Variants in MDC1 observed in about 807,000 individuals in gnomAD.
MDC1 encodes the protein mediator of DNA damage checkpoint protein 1.
A neutral mutation model predicts 142.5 loss-of-function variants in MDC1; 81 were observed. The observed-to-expected ratio is 0.57, with a 90% CI of 0.47 to 0.68. The LOEUF is 0.68. Among genes scored for constraint, MDC1 ranks in the 30% least tolerant of loss-of-function variants. The probability of loss-of-function intolerance (pLI) is 0.00; values close to 1 mark genes in which losing one functional copy is unlikely to be tolerated. For synonymous variants in MDC1, 797 were observed against 968.4 expected (o/e 0.82, Z 3.29); for missense variants, 2,119 against 2,547.9 (o/e 0.83, Z 3.62).
chr6:30,708,359 T>G lies in MDC1; in HGVS notation c.2222-2A>C. 6.2e-7 allele frequency: 1 copy of G among 1,604,718 alleles called. No individual in the cohort carries two copies. ...CCTCCCATGGTTCATCTAGGGTACC[T>G]GGAAGGGGAGGAAGGAAGAGAGAGA... On this transcript the variant is annotated splice_acceptor_variant, in intron 7 of 14. Coordinates refer to ENST00000376406, the MANE Select transcript of MDC1 (RefSeq NM_014641.3). LOFTEE classifies it high-confidence loss of function.
chr6:30,717,048 T>A, intron 1 of MDC1, 197 bp downstream of exon 1: 1 of 296,796 alleles, frequency 3.4e-6, no homozygotes, highest in Non-Finnish European at 5.0e-6. Flanking sequence ...CTCAGTGGGT[T>A]CCCTTGTGGC....
chr6:30,706,620 TAA>T (rs9278748), intron 9 of MDC1, among the ~76,000 whole-genome samples: 5,063 of 42,734 alleles, frequency 0.12, 251 homozygotes, highest in South Asian at 0.19. Flanking sequence ...AGACTCTGTC[TAA>T]AAAAAAAAAA....
chr6:30,713,380 A>G lies in MDC1; in HGVS notation c.588-26T>C. On this transcript the variant is annotated intron_variant, in intron 4 of 14. Coordinates refer to ENST00000376406, the MANE Select transcript of MDC1 (RefSeq NM_014641.3). This position sits in a 1 kb window ranked among gnomAD's most constrained non-coding sequence, Gnocchi z 4.9. Reference sequence around the variant, plus strand: ...CTGTGAAGGGAAGAAAAGAGAGTCTATAGAATTTATTTCCCTGGAAGGGAT... The same window carrying G: ...CTGTGAAGGGAAGAAAAGAGAGTCTGTAGAATTTATTTCCCTGGAAGGGAT... The G allele has an allele frequency of 6.5e-7, 1 of 1,529,102 alleles. No homozygotes were observed. Among genetic ancestry groups the G allele is most frequent in the Non-Finnish European group, 8.7e-7 (1 of 1,145,888 alleles). The allele number at this position is 1,529,102 out of a possible 1,614,324, so 94.7% of individuals were successfully genotyped here. A position where few individuals can be genotyped will look rare whatever the true frequency, so the allele number is the denominator to read the frequency against.
chr6:30,705,084 C>T lies in MDC1; in HGVS notation c.4099G>A (p.Val1367Ile). ...MSSVKNPEST[V>I]PIAPELPPST... ...GGTGGGAGCTCAGGGGCTATAGGGA[C>T]AGTTGATTCAGGGTTCTTCACAGAG... The change falls in exon 10 of 15, where the codon GTC (valine) becomes ATC (isoleucine). Residue 1367 changes from valine (V) to isoleucine (I), a missense_variant. By Grantham distance (29) the Val-to-Ile change is conservative (BLOSUM62 3). Transcript: ENST00000376406. 2.5e-6 allele frequency: 4 copies of T among 1,612,520 alleles called. No individual in the cohort carries two copies. Among genetic ancestry groups the T allele is most frequent in the Non-Finnish European group, 3.4e-6 (4 of 1,179,696 alleles).
Position 30,703,498 on chromosome 6 carries a change from G to T in MDC1, c.5602C>A (p.Gln1868Lys), listed in dbSNP as rs758347972. The change falls in exon 11 of 15, where the codon CAG (glutamine) becomes AAG (lysine). Residue 1868 changes from glutamine (Q) to lysine (K), a missense_variant. Gln to Lys is a moderately conservative substitution (Grantham distance 53). Transcript: ENST00000376406. The surrounding 1 kb of genome is among the most constrained non-coding windows in gnomAD (Gnocchi z 4.4). ...TPKPGKRKRD[Q>K]AEEEPNRIPS... ...ATTCTGTTGGGCTCCTCCTCTGCCT[G>T]GTCTCTCTTTCTCTTGCCTGGTTTT... 6.2e-7 allele frequency: 1 copy of T among 1,613,652 alleles called. No homozygotes were observed. The highest frequency in any genetic ancestry group is 8.5e-7 in the Non-Finnish European group (1 of 1,180,018).
At chr6:30,702,344 C>G (rs115837990) in intron 14 of MDC1, among the ~76,000 whole-genome samples, 2,866 of 150,994 alleles carry the variant, frequency 0.019, 40 homozygotes, top group South Asian at 0.063. Context: ...TAAGCTGCTG[C>G]TGAATCTCGG....
intron 7 of MDC1, 28 bp from the exon 8 acceptor site, chr6:30,708,385 G>A: frequency 6.4e-7 from 1 of 1,565,448 alleles, no homozygotes; most frequent in Non-Finnish European, 8.7e-7. Flanking sequence ...AAGAGAGAGA[G>A]AGGGAGAGGG....
At position 30,709,368 on chromosome 6, in the gene MDC1, C is replaced by A. The variant is rs1774465928; in HGVS notation, c.2222-1011G>T. Among the ~76,000 whole-genome samples the A allele has an allele frequency of 6.6e-6, 1 of 152,018 alleles. No individual in the cohort carries two copies. The highest frequency in any genetic ancestry group is 1.5e-5 in the Non-Finnish European group (1 of 68,010). ...ATAGTATTCCACTGTGTATATATAC[C>A]ACATTTTCTTTTTTCTTCATTGACA... On this transcript the variant is annotated intron_variant, in intron 7 of 14. Coordinates refer to ENST00000376406, the MANE Select transcript of MDC1 (RefSeq NM_014641.3). The surrounding 1 kb of genome is among the most constrained non-coding windows in gnomAD (Gnocchi z 4.2).
At chr6:30,701,564 C>T (rs1422266691) in intron 14 of MDC1, among the ~76,000 whole-genome samples, 1 of 152,012 alleles carries the variant, frequency 6.6e-6, no homozygotes, top group Non-Finnish European at 1.5e-5. Flanking sequence ...GGACAAGTGA[C>T]CCAGCTTCTG....
chr6:30,704,746 A>T lies in MDC1; in HGVS notation c.4437T>A (p.Asp1479Glu). 1 of 1,610,850 alleles carries T rather than the reference A, an allele frequency of 6.2e-7. No homozygotes were observed. Among genetic ancestry groups the T allele is most frequent in the Non-Finnish European group, 8.5e-7 (1 of 1,179,142 alleles). Residue 1479 changes from aspartate to glutamate, a missense_variant, in exon 10 of 15, where the codon GAT becomes GAA. Physicochemically the swap from Asp to Glu is conservative, Grantham distance 45. Transcript: ENST00000376406. ...PTSQATRGRTDRSSVKTPETV... is the reference protein window; with the variant it reads ...PTSQATRGRTERSSVKTPETV... ...TTTCAGGAGTCTTGACAGAGGATCTATCTGTTCTTCCCCTAGTAGCCTGAG... is the reference window on the plus strand; with the variant it reads ...TTTCAGGAGTCTTGACAGAGGATCTTTCTGTTCTTCCCCTAGTAGCCTGAG...
intron 5 of MDC1, 39 bp downstream of exon 5, chr6:30,711,835 G>C (rs1479264068): frequency 1.9e-6 from 3 of 1,546,666 alleles, no homozygotes; most frequent in Non-Finnish European, 2.6e-6. Context: ...TAGAACCCTG[G>C]TTGATTTCAG....
In MDC1 at chr6:30,713,654, G is replaced by C. The variant is rs202230728; in HGVS notation, c.581C>G (p.Pro194Arg). ...SRTTSSSVIV[P>R]ESDEEGHSPV... The stretch of plus-strand genomic sequence containing the variant: ...CTGACTCTTTGGCACTCACCTCTCT[G>C]GAACTATCACAGAGGAAGATGTGGT... The change falls in exon 4 of 15, where the codon CCA becomes CGA. Residue 194 changes from proline to arginine, a missense_variant. Coordinates refer to ENST00000376406, the MANE Select transcript of MDC1 (RefSeq NM_014641.3). This position sits in a 1 kb window ranked among gnomAD's most constrained non-coding sequence, Gnocchi z 4.9. 4.3e-6 allele frequency: 7 copies of C among 1,613,926 alleles called. No individual in the cohort carries two copies. Among genetic ancestry groups the C allele is most frequent in the Admixed American group, 1.7e-5 (1 of 59,992 alleles).
Position 30,705,048 on chromosome 6 carries a change from T to A in MDC1, c.4135A>T (p.Thr1379Ser). 1 of 1,612,094 alleles carries A rather than the reference T, an allele frequency of 6.2e-7. No homozygotes were observed. The highest frequency in any genetic ancestry group is 8.5e-7 in the Non-Finnish European group (1 of 1,179,484). The part of the protein sequence containing the change: ...IAPELPPSTS[T>S]EQPVTPEPTS... ...GGCTCAGGGGTGACAGGCTGCTCTG[T>A]GGAGGTGGAAGGTGGGAGCTCAGGG... Residue 1379 changes from threonine to serine, a missense_variant, in exon 10 of 15, where the codon ACA becomes TCA. By Grantham distance (58) the Thr-to-Ser change is moderately conservative (BLOSUM62 1). Coordinates refer to ENST00000376406, the MANE Select transcript of MDC1 (RefSeq NM_014641.3).
chr6:30,703,343 C>T lies in MDC1; in HGVS notation c.5683-57G>A, dbSNP rs1773106052. 2 of 1,612,050 alleles carry T rather than the reference C, an allele frequency of 1.2e-6. No individual in the cohort carries two copies. The highest frequency in any genetic ancestry group is 1.7e-6 in the Non-Finnish European group (2 of 1,179,140). On this transcript the variant is annotated intron_variant, in intron 11 of 14. Transcript: ENST00000376406. The surrounding 1 kb of genome is among the most constrained non-coding windows in gnomAD (Gnocchi z 4.4). ...CAACCCATGCCATCAGCACCCATCT[C>T]TACAATCCTCTAGGTCTCCTTGCAT...
At chr6:30,706,207 C>T (rs1773780528) in intron 9 of MDC1, 109 bp from the exon 10 acceptor site, 1 of 1,014,142 alleles carries the variant, frequency 9.9e-7, no homozygotes, top group South Asian at 1.8e-5. Context: ...CAGATTTCCA[C>T]CGGGCGTGGT....
rs1201333990 is a variant in MDC1 at position 30,712,232 on chromosome 6, G to C, written c.1710C>G (p.Ala570=). ...TTTCACAGTCCCCATGCAGAGGCCA[G>C]GCTTCCTCTAGAGATACCACAAGCA... The part of the protein sequence containing the change: ...AKLLVVSLEE[A]WPLHGDCETD... The change falls in exon 5 of 15, where the codon GCC becomes GCG. Residue 570 remains alanine (A), a synonymous_variant. Transcript: ENST00000376406. This position sits in a 1 kb window ranked among gnomAD's most constrained non-coding sequence, Gnocchi z 4.7. 6.2e-7 allele frequency: 1 copy of C among 1,613,012 alleles called. No homozygotes were observed. Among genetic ancestry groups the C allele is most frequent in the East Asian group, 2.2e-5 (1 of 44,890 alleles).
At chr6:30,714,538 G>T (rs551387176) in intron 2 of MDC1, among the ~76,000 whole-genome samples, 1 of 150,526 alleles carries the variant, frequency 6.6e-6, no homozygotes, top group South Asian at 2.1e-4. Flanking sequence ...TTGAGACAGG[G>T]TCTCATTCTG....
rs1159545276 is a variant in MDC1, at chr6:30,716,416, G to A, written c.-4+829C>T. 6.6e-6 allele frequency among the ~76,000 whole-genome samples: 1 copy of A among 152,058 alleles called. No homozygotes were observed. The highest frequency in any genetic ancestry group is 6.5e-5 in the Admixed American group (1 of 15,276). On this transcript the variant is annotated intron_variant, in intron 1 of 14. Coordinates refer to ENST00000376406, the MANE Select transcript of MDC1 (RefSeq NM_014641.3). This position sits in a 1 kb window ranked among gnomAD's most constrained non-coding sequence, Gnocchi z 4.4. ...TTTTTGTATTTTTAGTAGAGACGGG[G>A]TTTCACCACGGTCTCGAGCTCCTGA...
At position 30,702,564 on chromosome 6, in the gene MDC1, G is replaced by A. The variant is rs1336113706; in HGVS notation, c.6091C>T (p.Arg2031Trp). 2.5e-6 allele frequency: 4 copies of A among 1,591,040 alleles called. No homozygotes were observed. The highest frequency in any genetic ancestry group is 2.3e-5 in the South Asian group (2 of 86,864). The change falls in exon 14 of 15, where the codon CGG (arginine) becomes TGG (tryptophan). Residue 2031 changes from arginine to tryptophan, a missense_variant. Transcript: ENST00000376406. ...CGGTYLPSMP[R>W]SYKPQRVVIT... The stretch of plus-strand genomic sequence containing the variant: ...CATCCTAAGCATACCTTATAGGACC[G>A]AGGCATGCTGGGTAGGTATGTGCCT...
Sources: allele counts gnomAD v4.1 joint callset (sites outside exome capture counted in the v4.1 genomes callset), GRCh38; gene constraint gnomAD v4.1.1; non-coding constraint Gnocchi (gnomAD v3.1); transcripts MANE v1.5; gene names NCBI Gene and HGNC (gene_info 2026-07-23, HGNC 2026-07-21).